The following SAMSN1 variants were observed in gnomAD, a reference collection of about 807,000 sequenced individuals.
SAMSN1 encodes the protein SAM domain, SH3 domain and nuclear localization signals 1, also known as SAM domain-containing protein SAMSN-1.
Under a neutral mutation model 42.0 loss-of-function variants are expected in SAMSN1, and 31 were observed. The ratio of observed to expected loss-of-function variants is 0.74; its 90% CI spans 0.55 to 1.00. The LOEUF (loss-of-function observed/expected upper bound fraction) is 1.00, where lower values mean the gene tolerates loss of function less well. Ranked by LOEUF, SAMSN1 falls within the 50% of genes least tolerant of loss-of-function variation. The pLI, the probability that SAMSN1 is intolerant of heterozygous loss-of-function variation, is 0.00. For synonymous variants in SAMSN1, 178 were observed against 151.9 expected (o/e 1.17, Z -1.26); for missense variants, 464 against 439.4 (o/e 1.06, Z -0.50).
intron 6 of SAMSN1, chr21:14,601,949 A>G: frequency 1.8e-6 from 1 of 550,914 alleles, no homozygotes; most frequent in Admixed American, 3.0e-5. Flanking sequence ...ATTGTACACT[A>G]TGCCTAATAT....
rs192021351 is a variant in SAMSN1, at chr21:14,578,576, G to A, written c.261+3560C>T. Among the ~76,000 whole-genome samples, 55 of 151,618 alleles carry A rather than the reference G, an allele frequency of 3.6e-4. 1 individual carries two copies. The East Asian group carries it at 0.01, about 29-fold the overall frequency. The stretch of plus-strand genomic sequence containing the variant: ...CGGGCACCTGTAATCCCAGCTACTA[G>A]GGAGGCTGAGGCAGGAGAATCATTT... On this transcript the variant is annotated intron_variant, in intron 2 of 8. Coordinates refer to the SAMSN1 transcript ENST00000285670.
intron 2 of SAMSN1, among the ~76,000 whole-genome samples, chr21:14,569,361 A>C (rs1161060540): frequency 2.6e-5 from 4 of 152,196 alleles, no homozygotes; most frequent in East Asian, 1.9e-4. Context: ...CACATTACAC[A>C]GTAAAATAAA....
chr21:14,533,275 GA>G (rs1031744027), intron 1 of SAMSN1, among the ~76,000 whole-genome samples: 2 of 151,376 alleles, frequency 1.3e-5, no homozygotes, highest in Non-Finnish European at 1.5e-5. Flanking sequence ...GTATTCAGGG[GA>G]AAAAAAACCC....
intron 2 of SAMSN1, among the ~76,000 whole-genome samples, chr21:14,554,795 C>A (rs1044755796): frequency 6.6e-6 from 1 of 150,954 alleles, no homozygotes; most frequent in Non-Finnish European, 1.5e-5. Flanking sequence ...AACTCCCAGG[C>A]TCAAGCAATC....
In SAMSN1 at chr21:14,633,281, G is replaced by A. The variant is rs555225390; in HGVS notation, c.156+9721C>T. Among the ~76,000 whole-genome samples the A allele has an allele frequency of 8.3e-4, 126 of 152,150 alleles. No homozygotes were observed. In the Middle Eastern group the frequency reaches 0.01, roughly 12 times the overall value. On this transcript the variant is annotated intron_variant, in intron 2 of 15. Coordinates refer to the SAMSN1 transcript ENST00000647101. ...AGAGAACCCTGATTAATACAGTGGT[G>A]TTCACTGAGGTCCTTTTAAAATTTT...
chr21:14,597,648 C>A (rs1982309495), intron 6 of SAMSN1, among the ~76,000 whole-genome samples: 1 of 152,100 alleles, frequency 6.6e-6, no homozygotes, highest in Non-Finnish European at 1.5e-5. Context: ...AGAGAATAAC[C>A]AACAGTGGTG....
chr21:14,500,791 G>T (rs750428926), intron 5 of SAMSN1, 56 bp from the exon 6 acceptor site: 10 of 1,320,230 alleles, frequency 7.6e-6, no homozygotes, highest in Non-Finnish European at 1.1e-5. Context: ...CTGATAGAAA[G>T]AATGAAATCA....
chr21:14,659,230 C>G (rs901824389), upstream of SAMSN1, among the ~76,000 whole-genome samples: 1 of 152,000 alleles, frequency 6.6e-6, no homozygotes, highest in African/African-American at 2.4e-5. Context: ...ACGTTTGATT[C>G]GCTACATGAC....
intron 2 of SAMSN1, 51 bp from the exon 3 acceptor site, chr21:14,517,092 T>A: frequency 1.3e-6 from 2 of 1,502,236 alleles, no homozygotes; most frequent in South Asian, 2.4e-5. Flanking sequence ...ATAAAAAACA[T>A]TGATCTGAAA....
At chr21:14,496,704 C>G (rs1986928146) in intron 7 of SAMSN1, among the ~76,000 whole-genome samples, 1 of 152,154 alleles carries the variant, frequency 6.6e-6, no homozygotes, top group African/African-American at 2.4e-5. Flanking sequence ...GAAGCTTGAA[C>G]TTTGTCTGCC....
At chr21:14,603,458 A>G (rs1047420067) in intron 5 of SAMSN1, among the ~76,000 whole-genome samples, 3 of 152,238 alleles carry the variant, frequency 2.0e-5, no homozygotes, top group African/African-American at 7.2e-5. Context: ...AGACAAGGCC[A>G]GAATGGAAGC....
At position 14,626,219 on chromosome 21, in the gene SAMSN1, G is replaced by A. The variant is rs565918825; in HGVS notation, c.157-10203C>T. Among the ~76,000 whole-genome samples the A allele has an allele frequency of 4.2e-3, 635 of 152,264 alleles. 3 individuals carry two copies. The highest frequency in any genetic ancestry group is 0.013 in the African/African-American group (558 of 41,542). Reference sequence around the variant, plus strand: ...ATTACCATTCAGGACATAGGCATGGGCAAGGACTTCATGTCTAAAATACCA... The same window carrying A: ...ATTACCATTCAGGACATAGGCATGGACAAGGACTTCATGTCTAAAATACCA... On this transcript the variant is annotated intron_variant, in intron 2 of 15. Transcript: ENST00000647101.
chr21:14,640,082 C>T (rs1415767251), intron 2 of SAMSN1, among the ~76,000 whole-genome samples: 3 of 152,138 alleles, frequency 2.0e-5, no homozygotes, highest in African/African-American at 7.2e-5. Flanking sequence ...GGATCATCTC[C>T]TTTGAGAATA....
At chr21:14,606,138 T>C (rs1982565984) in intron 5 of SAMSN1, among the ~76,000 whole-genome samples, 1 of 152,040 alleles carries the variant, frequency 6.6e-6, no homozygotes, top group Non-Finnish European at 1.5e-5. Context: ...CTGCGCCCGG[T>C]CAAGAAGATT....
At chr21:14,496,531 A>G (rs1986922155) in intron 7 of SAMSN1, 1 of 152,230 alleles carries the variant, frequency 6.6e-6, no homozygotes, top group Admixed American at 6.5e-5. Context: ...ATAAAACTCT[A>G]TAGAATCTAC....
At chr21:14,486,936 A>C (rs1292618143) in intron 7 of SAMSN1, among the ~76,000 whole-genome samples, 1 of 152,308 alleles carries the variant, frequency 6.6e-6, no homozygotes, top group East Asian at 1.9e-4. Context: ...AAGCAGCCTG[A>C]AGTTCACATA....
chr21:14,640,902 T>A (rs544761046), intron 2 of SAMSN1, among the ~76,000 whole-genome samples: 1 of 152,224 alleles, frequency 6.6e-6, no homozygotes, highest in East Asian at 1.9e-4. Context: ...GCAATTTAAA[T>A]CATGTTTTTA....
Position 14,647,180 on chromosome 21 carries a change from T to C in SAMSN1, c.25-4047A>G, listed in dbSNP as rs147981986. 1.3e-3 allele frequency among the ~76,000 whole-genome samples: 196 copies of C among 152,304 alleles called. 1 individual carries two copies. Among genetic ancestry groups the C allele is most frequent in the African/African-American group, 4.4e-3 (183 of 41,570 alleles). ...ATCTGTTGCCTGCAAGAAACACACT[T>C]CAACTATAAAAGCACATATATATGG... On this transcript the variant is annotated intron_variant, in intron 1 of 15. Transcript: ENST00000647101.
intron 1 of SAMSN1, among the ~76,000 whole-genome samples, chr21:14,534,038 T>G (rs1364210186): frequency 3.3e-5 from 5 of 152,246 alleles, no homozygotes. Context: ...TAATACTTTT[T>G]GTCTTTAAGG....
Sources: gnomAD v4.1 joint callset for allele counts (sites outside exome capture counted in the v4.1 genomes callset) on GRCh38, gnomAD v4.1.1 for gene constraint, MANE v1.5 for transcripts, NCBI Gene and HGNC (gene_info 2026-07-23, HGNC 2026-07-21) for gene names.